The following ANXA4 variants were observed in gnomAD, a reference collection of about 807,000 sequenced individuals.
The protein encoded by ANXA4 is 35-beta calcimedin.
ANXA4 carries 39 observed loss-of-function variants against 49.8 expected under a neutral mutation model. That is an observed-to-expected ratio of 0.78 (90% CI 0.61 to 1.02). The LOEUF (loss-of-function observed/expected upper bound fraction) is 1.02, where lower values mean the gene tolerates loss of function less well. ANXA4 is among the 50% of genes least tolerant of loss of function. The pLI is 0.00. For synonymous variants in ANXA4, 134 were observed against 152.5 expected (o/e 0.88, Z 0.89); for missense variants, 360 against 410.1 (o/e 0.88, Z 1.05).
chr2:69,728,722 ATT>A (rs1400455970), intron 3 of ANXA4, among the ~76,000 whole-genome samples: 2 of 152,100 alleles, frequency 1.3e-5, no homozygotes, highest in Non-Finnish European at 2.9e-5. Context: ...CCGTTTGTCT[ATT>A]TCTCTATCTG....
chr2:69,688,172 C>T (rs1440508593), intron 2 of ANXA4, among the ~76,000 whole-genome samples: 1 of 152,036 alleles, frequency 6.6e-6, no homozygotes, highest in African/African-American at 2.4e-5. Context: ...TTGAAGGTGC[C>T]GTGTTATTTG....
intron 2 of ANXA4, among the ~76,000 whole-genome samples, chr2:69,660,487 C>G (rs1573067158): frequency 6.6e-6 from 1 of 152,168 alleles, no homozygotes; most frequent in East Asian, 1.9e-4. Context: ...GCACTGGAGC[C>G]TTAAAATCCT....
chr2:69,778,666 T>C (rs919353374), intron 1 of ANXA4, among the ~76,000 whole-genome samples: 7 of 149,612 alleles, frequency 4.7e-5, no homozygotes, highest in African/African-American at 1.7e-4. Context: ...TCCCAGCTAC[T>C]CGGGAGGCTG....
chr2:69,670,885 G>C (rs988629092), intron 2 of ANXA4, among the ~76,000 whole-genome samples: 3 of 151,936 alleles, frequency 2.0e-5, no homozygotes, highest in Non-Finnish European at 2.9e-5. Context: ...ATTTAGCCAG[G>C]CATGATGGTG....
At chr2:69,734,787 G>C (rs556694418) in intron 3 of ANXA4, among the ~76,000 whole-genome samples, 1 of 152,112 alleles carries the variant, frequency 6.6e-6, no homozygotes, top group African/African-American at 2.4e-5. Context: ...TTGTTTCTCC[G>C]GTTTTTGAGA....
intron 2 of ANXA4, among the ~76,000 whole-genome samples, chr2:69,655,071 A>G (rs538509869): frequency 6.6e-6 from 1 of 152,182 alleles, no homozygotes; most frequent in South Asian, 2.1e-4. Context: ...AACCATAAAA[A>G]CCCTAGAAGA....
At chr2:69,671,645 C>T (rs1677193526) in intron 2 of ANXA4, among the ~76,000 whole-genome samples, 1 of 152,190 alleles carries the variant, frequency 6.6e-6, no homozygotes. Context: ...ATTGCTTGAA[C>T]TTGGGAGGCA....
intron 2 of ANXA4, among the ~76,000 whole-genome samples, chr2:69,781,990 T>C (rs1259118299): frequency 6.6e-6 from 1 of 152,224 alleles, no homozygotes; most frequent in Non-Finnish European, 1.5e-5. Flanking sequence ...CTTAACAATA[T>C]GGGTGTGTTG....
At chr2:69,813,942 G>C (rs1233865966) in intron 8 of ANXA4, among the ~76,000 whole-genome samples, 2 of 151,556 alleles carry the variant, frequency 1.3e-5, no homozygotes, top group East Asian at 3.9e-4. Context: ...ATTTTTAATA[G>C]AGATAGGGTT....
intron 1 of ANXA4, among the ~76,000 whole-genome samples, chr2:69,778,993 A>ATC (rs965986056): frequency 9.9e-5 from 15 of 150,902 alleles, no homozygotes; most frequent in African/African-American, 3.2e-4. Flanking sequence ...TCTGTAATCC[A>ATC]TCTACCAGGG....
intron 1 of ANXA4, among the ~76,000 whole-genome samples, chr2:69,771,596 A>G (rs973150170): frequency 2.0e-5 from 3 of 152,206 alleles, no homozygotes; most frequent in Admixed American, 1.3e-4. Flanking sequence ...ACCTCCACAT[A>G]TAGCCTACTA....
chr2:69,711,079 C>G (rs900761220), intron 2 of ANXA4, among the ~76,000 whole-genome samples: 1 of 152,156 alleles, frequency 6.6e-6, no homozygotes, highest in African/African-American at 2.4e-5. Flanking sequence ...CCTGTAATCC[C>G]AGCACTTTGG....
chr2:69,669,192 G>A (rs1184841253), intron 2 of ANXA4, among the ~76,000 whole-genome samples: 6 of 151,156 alleles, frequency 4.0e-5, no homozygotes, highest in Non-Finnish European at 7.4e-5. Context: ...TGATCCACCC[G>A]CCTCGGCCTC....
intron 2 of ANXA4, among the ~76,000 whole-genome samples, chr2:69,680,040 A>G (rs1442064166): frequency 1.3e-5 from 2 of 152,198 alleles, no homozygotes; most frequent in Non-Finnish European, 1.5e-5. Context: ...ATTTCTGTAA[A>G]AAATGACATT....
chr2:69,786,895 T>C (rs1672440140), intron 2 of ANXA4, among the ~76,000 whole-genome samples: 1 of 152,072 alleles, frequency 6.6e-6, no homozygotes, highest in Admixed American at 6.5e-5. Context: ...CTAATTTTTT[T>C]GTATGTTTTT....
chr2:69,786,748 G>T (rs1490823071), intron 2 of ANXA4, among the ~76,000 whole-genome samples: 1 of 152,014 alleles, frequency 6.6e-6, no homozygotes, highest in African/African-American at 2.4e-5. Flanking sequence ...TTGAGACAGG[G>T]TCTCACTCTG....
chr2:69,730,354 T>C (rs1670064976), intron 3 of ANXA4, among the ~76,000 whole-genome samples: 1 of 151,916 alleles, frequency 6.6e-6, no homozygotes, highest in South Asian at 2.1e-4. Context: ...ATACAAAAAT[T>C]AGCCAGGCAT....
At chr2:69,820,632 A>G (rs1674194594) in intron 11 of ANXA4, 67 bp from the exon 12 acceptor site, 3 of 1,582,950 alleles carry the variant, frequency 1.9e-6, no homozygotes, top group Non-Finnish European at 1.7e-6. Flanking sequence ...TTGCTTTGAT[A>G]GACTAAAGAA....
At chr2:69,728,840 G>C (rs990865388) in intron 3 of ANXA4, among the ~76,000 whole-genome samples, 1 of 148,802 alleles carries the variant, frequency 6.7e-6, no homozygotes, top group Admixed American at 6.8e-5. Flanking sequence ...TCTTTTTGTC[G>C]TTTGCATTTT....
Sources: allele counts gnomAD v4.1 joint callset (sites outside exome capture counted in the v4.1 genomes callset), GRCh38; gene constraint gnomAD v4.1.1; transcripts MANE v1.5; gene names NCBI Gene and HGNC (gene_info 2026-07-23, HGNC 2026-07-21).